ABCB5: variants seen among roughly 807,000 people sequenced by gnomAD.
The protein encoded by ABCB5 is ATP binding cassette subfamily B member 5, also known as ATP-binding cassette sub-family B member 5.
A neutral mutation model predicts 144.2 loss-of-function variants in ABCB5; 155 were observed. The ratio of observed to expected loss-of-function variants is 1.08; its 90% CI spans 0.94 to 1.23. The LOEUF (loss-of-function observed/expected upper bound fraction) is 1.23, where lower values mean the gene tolerates loss of function less well. ABCB5 is among the 50% of genes most tolerant of loss of function. The probability of loss-of-function intolerance (pLI) is 0.00; values close to 1 mark genes in which losing one functional copy is unlikely to be tolerated. For synonymous variants in ABCB5, 610 were observed against 528.6 expected (o/e 1.15, Z -2.11); for missense variants, 1,830 against 1,520.8 (o/e 1.20, Z -3.38).
rs768432641 is a variant in ABCB5, at chr7:20,755,440, C to A, written c.3590C>A (p.Ala1197Asp). The A allele has an allele frequency of 1.2e-6, 2 of 1,614,124 alleles. No individual in the cohort carries two copies. Among genetic ancestry groups the A allele is most frequent in the African/African-American group, 2.7e-5 (2 of 75,042 alleles). ...TCTCTCTTCCAGGTGGTTCAGCATG[C>A]CCTTGATAAAGCCAGGACGGGAAGG... ...DNDSEKVVQH[A>D]LDKARTGRTC... The change falls in exon 28 of 28, where the codon GCC (alanine) becomes GAC (aspartate). Residue 1197 changes from alanine to aspartate, a missense_variant. Ala to Asp is a moderately radical substitution (Grantham distance 126). Coordinates refer to ENST00000404938, the MANE Select transcript of ABCB5 (RefSeq NM_001163941.2).
At chr7:20,715,226 A>G (rs977396753) in intron 20 of ABCB5, among the ~76,000 whole-genome samples, 14 of 151,950 alleles carry the variant, frequency 9.2e-5, no homozygotes, top group Admixed American at 9.2e-4. Flanking sequence ...TTGTATTTTT[A>G]GCAGAAATGG....
At chr7:20,668,593 G>GT (rs1361060332) in intron 14 of ABCB5, among the ~76,000 whole-genome samples, 1 of 143,206 alleles carries the variant, frequency 7.0e-6, no homozygotes, top group South Asian at 2.3e-4. Flanking sequence ...AGGGAGGTGG[G>GT]GGGGGGGGTC....
intron 24 of ABCB5, among the ~76,000 whole-genome samples, chr7:20,740,724 G>A (rs1409972983): frequency 1.3e-5 from 2 of 152,060 alleles, no homozygotes; most frequent in Non-Finnish European, 2.9e-5. Context: ...CTATGGAAGT[G>A]TTTCTTATAA....
intron 23 of ABCB5, among the ~76,000 whole-genome samples, chr7:20,732,486 G>A (rs1782252022): frequency 6.6e-6 from 1 of 152,172 alleles, no homozygotes; most frequent in African/African-American, 2.4e-5. Context: ...AAAAACAAGT[G>A]GGTGGCACAT....
chr7:20,716,147 T>TG (rs1781668006), intron 20 of ABCB5, among the ~76,000 whole-genome samples: 1 of 152,214 alleles, frequency 6.6e-6, no homozygotes, highest in Admixed American at 6.5e-5. Context: ...CCAGTGGATA[T>TG]GTTTTATCCT....
chr7:20,739,846 C>A (rs1782505980), intron 24 of ABCB5, among the ~76,000 whole-genome samples: 1 of 151,936 alleles, frequency 6.6e-6, no homozygotes, highest in African/African-American at 2.4e-5. Flanking sequence ...TTGATGCACA[C>A]AAACAAATTT....
At chr7:20,725,518 G>A (rs902687979) in intron 21 of ABCB5, among the ~76,000 whole-genome samples, 13 of 152,330 alleles carry the variant, frequency 8.5e-5, no homozygotes, top group African/African-American at 3.1e-4. Flanking sequence ...GGCAGAGGTT[G>A]CAGTGAGCCA....
chr7:20,677,791 G>T (rs548121102), intron 14 of ABCB5, among the ~76,000 whole-genome samples: 4 of 151,996 alleles, frequency 2.6e-5, no homozygotes, highest in Non-Finnish European at 4.4e-5. Context: ...ACCTAGTCCC[G>T]CTGTTTAAAT....
At chr7:20,691,674 G>T (rs1417259297) in intron 16 of ABCB5, among the ~76,000 whole-genome samples, 1 of 151,742 alleles carries the variant, frequency 6.6e-6, no homozygotes, top group Non-Finnish European at 1.5e-5. Flanking sequence ...ACTGGGTAAA[G>T]TGTTAAGAAA....
At chr7:20,701,013 A>G (rs1439412042) in intron 19 of ABCB5, among the ~76,000 whole-genome samples, 1 of 152,198 alleles carries the variant, frequency 6.6e-6, no homozygotes, top group African/African-American at 2.4e-5. Flanking sequence ...GAGCTACAAG[A>G]TACAAAACGG....
At chr7:20,705,349 C>T (rs573530270) in intron 20 of ABCB5, among the ~76,000 whole-genome samples, 10 of 152,126 alleles carry the variant, frequency 6.6e-5, no homozygotes, top group Non-Finnish European at 1.5e-4. Flanking sequence ...ATGGAATGAC[C>T]AGCATAATAT....
chr7:20,645,290 G>T (rs1784376923), intron 7 of ABCB5, among the ~76,000 whole-genome samples: 1 of 152,116 alleles, frequency 6.6e-6, no homozygotes, highest in African/African-American at 2.4e-5. Flanking sequence ...AAAATAATGA[G>T]TATTATTCCG....
intron 1 of ABCB5, among the ~76,000 whole-genome samples, chr7:20,622,109 T>C (rs577346224): frequency 4.9e-4 from 74 of 152,264 alleles, no homozygotes; most frequent in African/African-American, 1.7e-3. Flanking sequence ...GCTCATTATT[T>C]ATTGAGAATA....
At position 20,658,660 on chromosome 7, in the gene ABCB5, A is replaced by G. The variant is rs747271953; in HGVS notation, c.1691A>G (p.Gln564Arg). The change falls in exon 14 of 28, where the codon CAA becomes CGA. Residue 564 changes from glutamine (Q) to arginine (R), a missense_variant. By Grantham distance (43) the Gln-to-Arg change is conservative. Transcript: ENST00000404938. ...ALDSESKSAV[Q>R]AALEKASKGR... ...GATTCAGAAAGCAAGTCAGCTGTTC[A>G]AGCTGCACTGGAGAAGGTAAGTGAG... is the stretch of plus-strand genomic sequence containing the variant. 6.2e-7 allele frequency: 1 copy of G among 1,614,124 alleles called. No homozygotes were observed. Among genetic ancestry groups the G allele is most frequent in the Non-Finnish European group, 8.5e-7 (1 of 1,179,998 alleles).
intron 26 of ABCB5, among the ~76,000 whole-genome samples, chr7:20,747,431 T>C (rs758414837): frequency 5.3e-5 from 8 of 152,180 alleles, no homozygotes; most frequent in Non-Finnish European, 8.8e-5. Flanking sequence ...CTAATTTTTG[T>C]ATTTTTTGTA....
intron 18 of ABCB5, 54 bp downstream of exon 18, chr7:20,699,983 C>T: frequency 6.3e-7 from 1 of 1,598,022 alleles, no homozygotes; most frequent in Non-Finnish European, 8.6e-7. Context: ...GCCATTCTTT[C>T]TATTTGAGTT....
intron 5 of ABCB5, among the ~76,000 whole-genome samples, chr7:20,635,173 T>C (rs763264810): frequency 5.3e-5 from 8 of 152,118 alleles, no homozygotes; most frequent in Non-Finnish European, 1.2e-4. Flanking sequence ...CTTTTCCCAG[T>C]GTATGTTTTT....
intron 14 of ABCB5, among the ~76,000 whole-genome samples, chr7:20,681,024 T>A (rs375540446): frequency 8.7e-4 from 9 of 10,288 alleles, no homozygotes; most frequent in South Asian, 6.0e-3. Context: ...CTTTCTTTCT[T>A]TCTTTCTTTC....
chr7:20,616,581 A>G (rs940220591), intron 1 of ABCB5, among the ~76,000 whole-genome samples: 1 of 152,204 alleles, frequency 6.6e-6, no homozygotes, highest in Non-Finnish European at 1.5e-5. Context: ...GTTCCATAGT[A>G]CTTGCCATGA....
Sources: allele counts gnomAD v4.1 joint callset (sites outside exome capture counted in the v4.1 genomes callset), GRCh38; gene constraint gnomAD v4.1.1; transcripts MANE v1.5; gene names NCBI Gene and HGNC (gene_info 2026-07-23, HGNC 2026-07-21).